The following GPR158 variants were observed in gnomAD, a reference collection of about 807,000 sequenced individuals.
GPR158 encodes the protein G protein-coupled receptor 158, also known as metabotropic glycine receptor.
Under a neutral mutation model 78.2 loss-of-function variants are expected in GPR158, and 30 were observed. The ratio of observed to expected loss-of-function variants is 0.38; its 90% CI spans 0.29 to 0.52. The LOEUF (loss-of-function observed/expected upper bound fraction) is 0.52. Ranked by LOEUF, GPR158 falls within the 20% of genes least tolerant of loss-of-function variation. GPR158 has a pLI of 0.83. For synonymous variants in GPR158, 581 were observed against 591.1 expected (o/e 0.98, Z 0.25); for missense variants, 1,463 against 1,523.5 (o/e 0.96, Z 0.66).
intron 2 of GPR158, among the ~76,000 whole-genome samples, chr10:25,240,492 C>G (rs539620658): frequency 1.3e-5 from 2 of 152,104 alleles, no homozygotes; most frequent in Non-Finnish European, 2.9e-5. Context: ...GACAGAGACT[C>G]CATCTCAAAG....
At chr10:25,353,699 A>C (rs899846781) in intron 2 of GPR158, among the ~76,000 whole-genome samples, 4 of 152,018 alleles carry the variant, frequency 2.6e-5, no homozygotes, top group African/African-American at 7.2e-5. Context: ...TAGGTTTCAA[A>C]TTTTATGGAA....
chr10:25,259,930 C>G (rs1480992543), intron 2 of GPR158, among the ~76,000 whole-genome samples: 1 of 151,904 alleles, frequency 6.6e-6, no homozygotes, highest in Non-Finnish European at 1.5e-5. Context: ...CTGCTTATGG[C>G]TAAACTCTAT....
chr10:25,231,213 C>T (rs1399063489), intron 2 of GPR158, among the ~76,000 whole-genome samples: 1 of 152,120 alleles, frequency 6.6e-6, no homozygotes, highest in Non-Finnish European at 1.5e-5. Flanking sequence ...ACCCCTTAAG[C>T]ACTTTTAGGT....
chr10:25,456,408 A>G (rs1835291681), intron 4 of GPR158, among the ~76,000 whole-genome samples: 1 of 152,216 alleles, frequency 6.6e-6, no homozygotes, highest in Non-Finnish European at 1.5e-5. Context: ...TACACTTCCA[A>G]GCATACTACA....
chr10:25,280,989 G>C (rs1435371267), intron 2 of GPR158, among the ~76,000 whole-genome samples: 1 of 151,718 alleles, frequency 6.6e-6, no homozygotes, highest in Non-Finnish European at 1.5e-5. Context: ...GCAAAAATTA[G>C]CCGGGCATGG....
chr10:25,218,272 A>T (rs1853247645), intron 1 of GPR158, among the ~76,000 whole-genome samples: 1 of 151,732 alleles, frequency 6.6e-6, no homozygotes, highest in Non-Finnish European at 1.5e-5. Flanking sequence ...ATTATATTCC[A>T]CGGTTTTGCA....
chr10:25,487,030 A>G (rs527423577), intron 5 of GPR158, among the ~76,000 whole-genome samples: 1 of 152,274 alleles, frequency 6.6e-6, no homozygotes, highest in East Asian at 1.9e-4. Flanking sequence ...TTGGTATGTT[A>G]GCAACCCTTT....
intron 2 of GPR158, among the ~76,000 whole-genome samples, chr10:25,364,640 C>G (rs1235578885): frequency 6.6e-6 from 1 of 151,732 alleles, no homozygotes; most frequent in African/African-American, 2.4e-5. Context: ...TCTCAGTGTT[C>G]CTGAATACCT....
intron 5 of GPR158, among the ~76,000 whole-genome samples, chr10:25,467,688 A>G (rs1350333408): frequency 6.6e-6 from 1 of 152,134 alleles, no homozygotes; most frequent in Non-Finnish European, 1.5e-5. Context: ...CTCAAAGTAC[A>G]CGTCAAGAGA....
Position 25,206,029 on chromosome 10 carries a change from C to G in GPR158, c.903-15023C>G, listed in dbSNP as rs560380316. ...TGAGATGGAGTCTCACTCTGTCACC[C>G]AGGCTGGAGTGCAGTGGCACATCTC... On this transcript the variant is annotated intron_variant, in intron 1 of 10. Coordinates refer to ENST00000376351, the MANE Select transcript of GPR158 (RefSeq NM_020752.3). 1.3e-4 allele frequency among the ~76,000 whole-genome samples: 20 copies of G among 149,984 alleles called. No homozygotes were observed. The East Asian group carries it at 3.6e-3, about 27-fold the overall frequency.
At chr10:25,511,364 T>C (rs1836083812) in intron 5 of GPR158, among the ~76,000 whole-genome samples, 5 of 152,224 alleles carry the variant, frequency 3.3e-5, no homozygotes, top group Admixed American at 2.0e-4. Flanking sequence ...TGTCTACTCA[T>C]GTCCTTAGCC....
chr10:25,490,914 A>T (rs1835801276), intron 5 of GPR158, among the ~76,000 whole-genome samples: 1 of 152,160 alleles, frequency 6.6e-6, no homozygotes, highest in African/African-American at 2.4e-5. Flanking sequence ...CTACTTCTAA[A>T]CATATACTTT....
intron 4 of GPR158, among the ~76,000 whole-genome samples, chr10:25,450,532 T>C (rs542974819): frequency 6.6e-6 from 1 of 152,252 alleles, no homozygotes; most frequent in South Asian, 2.1e-4. Context: ...CTTATCTTGC[T>C]TCCTTATTCC....
chr10:25,351,379 G>A (rs1855467931), intron 2 of GPR158, among the ~76,000 whole-genome samples: 1 of 149,160 alleles, frequency 6.7e-6, no homozygotes, highest in African/African-American at 2.5e-5. Flanking sequence ...ATGGTAGCAA[G>A]TAAACAACTT....
rs747180440 is a variant in GPR158, at chr10:25,537,490, C to CT, written c.1405-13485dup. Reference sequence around the variant, plus strand: ...AAGATACTGAGACTTGAAAGCATGTCTAATACTAAAACCAGAGAATCTCTG... The same window carrying CT: ...AAGATACTGAGACTTGAAAGCATGTCTTAATACTAAAACCAGAGAATCTCTG... On this transcript the variant is annotated intron_variant, in intron 5 of 10. Coordinates refer to ENST00000376351, the MANE Select transcript of GPR158 (RefSeq NM_020752.3). Among the ~76,000 whole-genome samples the CT allele has an allele frequency of 9.2e-5, 14 of 152,180 alleles. 1 individual carries two copies. The East Asian group carries it at 2.7e-3, about 29-fold the overall frequency.
intron 2 of GPR158, among the ~76,000 whole-genome samples, chr10:25,383,437 G>A (rs1044061635): frequency 1.3e-5 from 2 of 152,148 alleles, no homozygotes; most frequent in African/African-American, 4.8e-5. Flanking sequence ...GACTGCCATA[G>A]AAACACCTTT....
At chr10:25,213,641 T>G (rs1853165392) in intron 1 of GPR158, among the ~76,000 whole-genome samples, 1 of 152,140 alleles carries the variant, frequency 6.6e-6, no homozygotes. Context: ...GGGTTGTTCT[T>G]TTCTTTTTTT....
intron 2 of GPR158, among the ~76,000 whole-genome samples, chr10:25,239,031 G>T (rs907396008): frequency 1.3e-5 from 2 of 152,170 alleles, no homozygotes; most frequent in Non-Finnish European, 2.9e-5. Flanking sequence ...TCTGAGAAAA[G>T]AGCTTCATCT....
intron 2 of GPR158, among the ~76,000 whole-genome samples, chr10:25,248,343 G>T (rs1853733218): frequency 1.3e-5 from 2 of 152,234 alleles, no homozygotes; most frequent in African/African-American, 4.8e-5. Flanking sequence ...TGTCAATTTT[G>T]TCTTTTGTTG....
Sources: gnomAD v4.1 joint callset for allele counts (sites outside exome capture counted in the v4.1 genomes callset) on GRCh38, gnomAD v4.1.1 for gene constraint, MANE v1.5 for transcripts, NCBI Gene and HGNC (gene_info 2026-07-23, HGNC 2026-07-21) for gene names.